CASZ1: variants seen among roughly 807,000 people sequenced by gnomAD.
CASZ1 encodes the protein castor zinc finger 1.
CASZ1 carries 28 observed loss-of-function variants against 135.2 expected under a neutral mutation model. The ratio of observed to expected loss-of-function variants is 0.21; its 90% CI spans 0.15 to 0.28. The LOEUF is 0.28. Among genes scored for constraint, CASZ1 ranks in the 10% least tolerant of loss-of-function variants. The probability of loss-of-function intolerance (pLI) is 1.00; values close to 1 mark genes in which losing one functional copy is unlikely to be tolerated. For synonymous variants in CASZ1, 1,068 were observed against 1,073.4 expected (o/e 0.99, Z 0.10); for missense variants, 2,161 against 2,453.3 (o/e 0.88, Z 2.52).
intron 4 of CASZ1, among the ~76,000 whole-genome samples, chr1:10,671,210 A>T (rs1339506983): frequency 2.0e-5 from 3 of 152,210 alleles, no homozygotes; most frequent in Non-Finnish European, 4.4e-5. Flanking sequence ...GCTGGCTATC[A>T]ATCTCCCCCA....
chr1:10,663,895 C>T (rs929574795), intron 5 of CASZ1, among the ~76,000 whole-genome samples: 2 of 152,230 alleles, frequency 1.3e-5, no homozygotes, highest in Non-Finnish European at 2.9e-5. Flanking sequence ...AGGCCCACTC[C>T]GCTCCCCGTC....
intron 3 of CASZ1, among the ~76,000 whole-genome samples, chr1:10,696,742 A>C (rs1348838864): frequency 6.6e-6 from 1 of 152,174 alleles, no homozygotes; most frequent in East Asian, 1.9e-4. Flanking sequence ...AAAGATGGGG[A>C]GCTGCTTGCA....
chr1:10,704,604 CGGT>C (rs1433049943), intron 3 of CASZ1: 1 of 152,242 alleles, frequency 6.6e-6, no homozygotes, highest in African/African-American at 2.4e-5. Context: ...CAGAGCCGGT[CGGT>C]CGCAGCCGGG....
intron 1 of CASZ1, among the ~76,000 whole-genome samples, chr1:10,783,649 G>A (rs1019740678): frequency 2.0e-5 from 3 of 151,972 alleles, no homozygotes; most frequent in African/African-American, 7.3e-5. Flanking sequence ...TAGGTGGGTG[G>A]ATCACTTGAG....
chr1:10,688,978 GA>G (rs1638680474), intron 4 of CASZ1, among the ~76,000 whole-genome samples: 1 of 152,192 alleles, frequency 6.6e-6, no homozygotes, highest in Non-Finnish European at 1.5e-5. Context: ...CCCCTCTGAA[GA>G]TGAGGAGGAG....
At position 10,658,496 on chromosome 1, in the gene CASZ1, C is replaced by T; in HGVS notation, c.1409+12G>A. ...CCTTCTCTCCACGGCAGGCTCCTCC[C>T]CAGGGGCCTACCTGGCAATATATTT... is the stretch of plus-strand genomic sequence containing the variant. On this transcript the variant is annotated intron_variant, in intron 7 of 20. Transcript: ENST00000377022. 1.2e-6 allele frequency: 2 copies of T among 1,610,548 alleles called. No homozygotes were observed. Among genetic ancestry groups the T allele is most frequent in the Non-Finnish European group, 1.7e-6 (2 of 1,176,948 alleles).
rs923953373 is a variant in CASZ1 at position 10,654,205 on chromosome 1, T to C, written c.1852A>G (p.Thr618Ala). 3.7e-6 allele frequency: 6 copies of C among 1,614,022 alleles called. No individual in the cohort carries two copies. Among genetic ancestry groups the C allele is most frequent in the Non-Finnish European group, 4.2e-6 (5 of 1,179,990 alleles). Residue 618 changes from threonine (T) to alanine (A), a missense_variant, in exon 11 of 21, where the codon ACA becomes GCA. Thr to Ala is a moderately conservative substitution (Grantham distance 58, BLOSUM62 0). Around this residue, in one of 7 missense-constraint regions of CASZ1, gnomAD observed 248 missense variants for 410.8 expected, o/e 0.60. Transcript: ENST00000377022. ...TCACACTTGTTCTTGAAAGTGAATG[T>C]GCAGCCGGGGCGCCTGGATGGGACA... Reference protein sequence around the residue: ...THFHCRRPGCTFTFKNKCDIE... With the variant: ...THFHCRRPGCAFTFKNKCDIE...
Position 10,654,077 on chromosome 1 carries a change from C to T in CASZ1, c.1980G>A (p.Val660=). The change falls in exon 11 of 21, where the codon GTG becomes GTA. Residue 660 remains valine (V), a synonymous_variant. Transcript: ENST00000377022. ...KYEECKYEGC[V]YSKATNHFHC... Reference sequence around the variant, plus strand: ...GGAAGTGGTTGGTAGCCTTGCTGTACACGCAGCCCTCGTACTTGCACTCCT... The same window carrying T: ...GGAAGTGGTTGGTAGCCTTGCTGTATACGCAGCCCTCGTACTTGCACTCCT... The T allele has an allele frequency of 6.2e-7, 1 of 1,614,238 alleles. No individual in the cohort carries two copies. Among genetic ancestry groups the T allele is most frequent in the Non-Finnish European group, 8.5e-7 (1 of 1,180,040 alleles).
chr1:10,728,985 G>C (rs1162240420), intron 2 of CASZ1, among the ~76,000 whole-genome samples: 1 of 152,116 alleles, frequency 6.6e-6, no homozygotes. Context: ...CCCACTCTCC[G>C]GACAGCTATT....
intron 5 of CASZ1, among the ~76,000 whole-genome samples, chr1:10,664,536 G>A (rs1161962973): frequency 6.6e-6 from 1 of 152,172 alleles, no homozygotes; most frequent in East Asian, 1.9e-4. Context: ...GTCCTGCTGG[G>A]AGGGCCAGGG....
rs1640392669 is a variant in CASZ1, at chr1:10,762,249, C to A, written c.-233-1392G>T. Among the ~76,000 whole-genome samples, 1 of 151,884 alleles carries A rather than the reference C, an allele frequency of 6.6e-6. No homozygotes were observed. Among genetic ancestry groups the A allele is most frequent in the African/African-American group, 2.4e-5 (1 of 41,338 alleles). On this transcript the variant is annotated intron_variant, in intron 1 of 20. Coordinates refer to ENST00000377022, the MANE Select transcript of CASZ1 (RefSeq NM_001079843.3). The surrounding 1 kb of genome is among the most constrained non-coding windows in gnomAD (Gnocchi z 4.1). ...GGGGGAGGCCATCAGGGGTGGACAG[C>A]ATCCACTGTCCAAGGCTTGGATCAG... is the stretch of plus-strand genomic sequence containing the variant.
intron 3 of CASZ1, among the ~76,000 whole-genome samples, chr1:10,695,577 G>GCCCCCCCCCCCCCCCCCC (rs1557514564): frequency 1.3e-4 from 2 of 15,562 alleles, no homozygotes; most frequent in Non-Finnish European, 2.6e-4. Flanking sequence ...TCCCCTCCCC[G>GCCCCCCCCCCCCCCCCCC]CCACCCCCCC....
intron 20 of CASZ1, among the ~76,000 whole-genome samples, chr1:10,642,590 T>C (rs1335352439): frequency 4.0e-5 from 6 of 151,816 alleles, no homozygotes; most frequent in African/African-American, 1.2e-4. Flanking sequence ...GGAAGGAGGC[T>C]GGGGCTGCGC....
intron 1 of CASZ1, among the ~76,000 whole-genome samples, chr1:10,773,750 T>G (rs1287692601): frequency 6.6e-6 from 1 of 152,104 alleles, no homozygotes; most frequent in African/African-American, 2.4e-5. Context: ...AGTCTGTGTG[T>G]GTGCTTGTGA....
At position 10,639,098 on chromosome 1, in the gene CASZ1, CTCGTCGTCGTCCTCG is replaced by C. The variant is rs762322588; in HGVS notation, c.5109_5123del (p.Asp1703_Asp1707del). ...TGCGCAGGTCCTCGTCGTCGTCGTCCTCGTCGTCGTCCTCGTCGTCGTCGTCCTCGTCGTCGTCCT... is the reference window on the plus strand; with the variant it reads ...TGCGCAGGTCCTCGTCGTCGTCGTCCTCGTCGTCGTCCTCGTCGTCGTCCT... On this transcript the variant is annotated inframe_deletion, in exon 21 of 21. Transcript: ENST00000377022. The surrounding 1 kb of genome is among the most constrained non-coding windows in gnomAD (Gnocchi z 4.0). The C allele has an allele frequency of 1.4e-3, 1,567 of 1,119,682 alleles. 2 individuals are homozygous for C. Among genetic ancestry groups the C allele is most frequent in the East Asian group, 4.5e-3 (71 of 15,662 alleles). 69.4% of individuals were successfully genotyped at this position (1,119,682 alleles called of 1,614,324 possible).
chr1:10,748,308 T>A (rs1159014058), intron 2 of CASZ1, among the ~76,000 whole-genome samples: 2 of 152,158 alleles, frequency 1.3e-5, no homozygotes, highest in Non-Finnish European at 2.9e-5. Context: ...CCGAGCCCTG[T>A]GTATATACCG....
rs567354729 is a variant in CASZ1, at chr1:10,683,839, C to T, written c.16+10035G>A. 1.2e-4 allele frequency among the ~76,000 whole-genome samples: 19 copies of T among 152,332 alleles called. 1 individual carries two copies. In the East Asian group the frequency reaches 2.3e-3, roughly 19 times the overall value. On this transcript the variant is annotated intron_variant, in intron 4 of 20. Coordinates refer to ENST00000377022, the MANE Select transcript of CASZ1 (RefSeq NM_001079843.3). ...TCAACAACTACATTTTATCTTGCAT[C>T]CCTGCAGCCCAGGGATGTGTTTGCA...
At chr1:10,658,036 T>C (rs1386775215) in intron 7 of CASZ1, 1 of 156,020 alleles carries the variant, frequency 6.4e-6, no homozygotes, top group Non-Finnish European at 1.4e-5. Flanking sequence ...TCTCACTCTG[T>C]TGCCCAGGAT....
chr1:10,718,100 C>T (rs1639427835), intron 2 of CASZ1, among the ~76,000 whole-genome samples: 1 of 152,222 alleles, frequency 6.6e-6, no homozygotes, highest in South Asian at 2.1e-4. Context: ...TGGCCCAATG[C>T]CACAGGGCCA....
Sources: gnomAD v4.1 joint callset for allele counts (sites outside exome capture counted in the v4.1 genomes callset) on GRCh38, gnomAD v4.1.1 for gene constraint, gnomAD v4.1.1 regional missense constraint, Gnocchi (gnomAD v3.1) non-coding constraint, MANE v1.5 for transcripts, NCBI Gene and HGNC (gene_info 2026-07-23, HGNC 2026-07-21) for gene names.